ADTRP: variants seen among roughly 807,000 people sequenced by gnomAD.
ADTRP encodes androgen-dependent TFPI-regulating protein.
ADTRP carries 20 observed loss-of-function variants against 27.0 expected under a neutral mutation model. The observed-to-expected ratio is 0.74, with a 90% CI of 0.52 to 1.08. The LOEUF (loss-of-function observed/expected upper bound fraction) is 1.08, where lower values mean the gene tolerates loss of function less well. Among genes scored for constraint, ADTRP ranks in the 50% least tolerant of loss-of-function variants. ADTRP has a pLI of 0.00. For missense variants in ADTRP, 251 were observed against 275.0 expected (o/e 0.91, Z 0.62); for synonymous variants, 101 against 105.2 (o/e 0.96, Z 0.25).
intron 3 of ADTRP, among the ~76,000 whole-genome samples, chr6:11,752,840 C>T (rs999205360): frequency 1.3e-5 from 2 of 152,180 alleles, no homozygotes; most frequent in Middle Eastern, 3.2e-3. Flanking sequence ...TGGGTGGCTC[C>T]GGGTTTATCC....
chr6:11,764,684 G>C (rs765036755), intron 3 of ADTRP, among the ~76,000 whole-genome samples: 1 of 152,086 alleles, frequency 6.6e-6, no homozygotes, highest in Non-Finnish European at 1.5e-5. Context: ...AGGCAACGAA[G>C]GGTGCATTAG....
chr6:11,778,732 G>A lies in ADTRP; in HGVS notation c.28C>T (p.His10Tyr), dbSNP rs1336273704. 6.2e-7 allele frequency: 1 copy of A among 1,614,066 alleles called. No homozygotes were observed. The highest frequency in any genetic ancestry group is 8.5e-7 in the Non-Finnish European group (1 of 1,180,048). ...GTATACCAGCTCAGAACAAGGAAGT[G>A]GTATATGCATGTAGAAGTCTTCGTC... Reference protein sequence around the residue: MTKTSTCIYHFLVLSWYTFL... With the variant: MTKTSTCIYYFLVLSWYTFL... The change falls in exon 1 of 6, where the codon CAC becomes TAC. Residue 10 changes from histidine to tyrosine, a missense_variant. By Grantham distance (83) the His-to-Tyr change is moderately conservative. Coordinates refer to ENST00000414691, the MANE Select transcript of ADTRP (RefSeq NM_032744.4).
intron 3 of ADTRP, among the ~76,000 whole-genome samples, chr6:11,736,997 A>G (rs370268195): frequency 6.6e-6 from 1 of 151,818 alleles, no homozygotes; most frequent in Non-Finnish European, 1.5e-5. Flanking sequence ...AACCCTTAAC[A>G]GTAGAGTTTT....
At chr6:11,732,075 A>C (rs979695026) in intron 4 of ADTRP, among the ~76,000 whole-genome samples, 1 of 152,210 alleles carries the variant, frequency 6.6e-6, no homozygotes, top group African/African-American at 2.4e-5. Context: ...AATGCTTTCC[A>C]AAGGAAATGA....
chr6:11,756,766 C>T (rs1763226461), intron 3 of ADTRP, among the ~76,000 whole-genome samples: 1 of 152,210 alleles, frequency 6.6e-6, no homozygotes, highest in South Asian at 2.1e-4. Flanking sequence ...AGGTTTATGA[C>T]TTTGGATCAT....
At chr6:11,769,912 T>G in intron 1 of ADTRP, 1 of 1,131,428 alleles carries the variant, frequency 8.8e-7, no homozygotes, top group Non-Finnish European at 1.3e-6. Flanking sequence ...CGGACTTTTA[T>G]TCATTACTTG....
rs535249248 is a variant in ADTRP, at chr6:11,729,764, T to A, written c.506+5804A>T. ...ATATCCTGAACCAATTAAACCAGAG[T>A]ATTTTTGAAATGAGACCTAGATATG... is the stretch of plus-strand genomic sequence containing the variant. On this transcript the variant is annotated intron_variant, in intron 4 of 5. Coordinates refer to ENST00000414691, the MANE Select transcript of ADTRP (RefSeq NM_032744.4). Among the ~76,000 whole-genome samples the A allele has an allele frequency of 1.5e-3, 231 of 152,270 alleles. 1 individual carries two copies. The highest frequency in any genetic ancestry group is 3.4e-3 in the Middle Eastern group (1 of 294).
In ADTRP at chr6:11,766,335, C is replaced by A; in HGVS notation, c.329G>T (p.Arg110Leu). The A allele has an allele frequency of 6.2e-7, 1 of 1,612,162 alleles. No individual in the cohort carries two copies. The highest frequency in any genetic ancestry group is 1.1e-5 in the South Asian group (1 of 90,726). Reference protein sequence around the residue: ...LAFWILFLYNRDLIYPKVLDT... With the variant: ...LAFWILFLYNLDLIYPKVLDT... ...TAGGACCTTGGGGTAAATGAGATCT[C>A]GATTGTAGAGAAAGAGGATCCAGAA... is the stretch of plus-strand genomic sequence containing the variant. The change falls in exon 3 of 6, where the codon CGA becomes CTA. Residue 110 changes from arginine (R) to leucine (L), a missense_variant. Physicochemically the swap from Arg to Leu is moderately radical, Grantham distance 102. Transcript: ENST00000414691.
At chr6:11,769,972 G>T in intron 1 of ADTRP, 1 of 1,517,464 alleles carries the variant, frequency 6.6e-7, no homozygotes, top group South Asian at 1.2e-5. Flanking sequence ...AACCTTACGA[G>T]CCAAGTCCTA....
intron 4 of ADTRP, among the ~76,000 whole-genome samples, chr6:11,725,195 ATC>A (rs1443398808): frequency 1.3e-5 from 2 of 152,236 alleles, no homozygotes; most frequent in African/African-American, 4.8e-5. Flanking sequence ...TTAAGGGATC[ATC>A]TCTGCAACAA....
At chr6:11,715,244 T>A (rs1761773263) in intron 5 of ADTRP, among the ~76,000 whole-genome samples, 1 of 152,202 alleles carries the variant, frequency 6.6e-6, no homozygotes, top group African/African-American at 2.4e-5. Context: ...GGCTTGGTAT[T>A]CCTGCAGCAA....
At chr6:11,774,173 G>C (rs1763874141) in intron 1 of ADTRP, among the ~76,000 whole-genome samples, 1 of 152,028 alleles carries the variant, frequency 6.6e-6, no homozygotes, top group Non-Finnish European at 1.5e-5. Context: ...AGCCAGGCAT[G>C]GTGGTGCATG....
At chr6:11,740,498 G>A (rs1762681254) in intron 3 of ADTRP, among the ~76,000 whole-genome samples, 1 of 152,140 alleles carries the variant, frequency 6.6e-6, no homozygotes, top group African/African-American at 2.4e-5. Context: ...TAGAAATGGA[G>A]GCAAAACAAA....
intron 5 of ADTRP, among the ~76,000 whole-genome samples, chr6:11,718,350 C>A (rs1298268495): frequency 6.6e-6 from 1 of 152,218 alleles, no homozygotes; most frequent in Non-Finnish European, 1.5e-5. Flanking sequence ...GGTGTTTAGC[C>A]CCTTTCTGTG....
chr6:11,734,769 C>A (rs543107059), intron 4 of ADTRP, among the ~76,000 whole-genome samples: 1 of 152,142 alleles, frequency 6.6e-6, no homozygotes, highest in Admixed American at 6.5e-5. Flanking sequence ...TAAACTTCCC[C>A]GCATATAGGG....
At chr6:11,722,590 GC>G (rs140914205) in intron 5 of ADTRP, among the ~76,000 whole-genome samples, 43 of 152,214 alleles carry the variant, frequency 2.8e-4, no homozygotes, top group Admixed American at 1.4e-3. Flanking sequence ...GTGTTTTACA[GC>G]CTGACTTTCT....
At chr6:11,765,404 T>C (rs1401581752) in intron 3 of ADTRP, among the ~76,000 whole-genome samples, 2 of 142,734 alleles carry the variant, frequency 1.4e-5, no homozygotes, top group East Asian at 4.6e-4. Flanking sequence ...CTTGGCTCAC[T>C]GCAACCTCCG....
chr6:11,777,997 G>C (rs1274338509), intron 1 of ADTRP, among the ~76,000 whole-genome samples: 1 of 152,156 alleles, frequency 6.6e-6, no homozygotes, highest in African/African-American at 2.4e-5. Flanking sequence ...GCCAGGTTAG[G>C]AAGACAAGAA....
chr6:11,778,467 A>G (rs1210240532), intron 1 of ADTRP, 140 bp downstream of exon 1: 1 of 1,258,372 alleles, frequency 7.9e-7, no homozygotes, highest in African/African-American at 1.5e-5. Context: ...AGTAAACAAA[A>G]AACCCAAAAC....
Sources: allele counts gnomAD v4.1 joint callset (sites outside exome capture counted in the v4.1 genomes callset), GRCh38; gene constraint gnomAD v4.1.1; transcripts MANE v1.5; gene names NCBI Gene and HGNC (gene_info 2026-07-23, HGNC 2026-07-21).